The following TGFBR2 variants were observed in gnomAD, a reference collection of about 807,000 sequenced individuals.
TGFBR2 encodes the protein transforming growth factor beta receptor 2, also known as TGF-beta receptor type-2.
In TGFBR2, 18 loss-of-function variants were observed where a neutral mutation model predicts 49.0. That is an observed-to-expected ratio of 0.37 (90% CI 0.25 to 0.54). The LOEUF (loss-of-function observed/expected upper bound fraction) is 0.54. Among genes scored for constraint, TGFBR2 ranks in the 20% least tolerant of loss-of-function variants. TGFBR2 has a pLI of 0.85. For missense variants in TGFBR2, 525 were observed against 722.6 expected, an observed-to-expected ratio of 0.73 and a Z score of 3.13; for synonymous variants, 282 against 275.9, an observed-to-expected ratio of 1.02 and a Z score of -0.22.
At chr3:30,651,274 C>A (rs181726539) in intron 3 of TGFBR2, among the ~76,000 whole-genome samples, 1 of 152,264 alleles carries the variant, frequency 6.6e-6, no homozygotes, top group East Asian at 1.9e-4. Flanking sequence ...CCCCTCACTC[C>A]CAATGCAACA....
chr3:30,628,528 GTTTTTTTTTTTTT>G (rs569832149), intron 1 of TGFBR2, among the ~76,000 whole-genome samples: 1 of 80,200 alleles, frequency 1.2e-5, no homozygotes, highest in Non-Finnish European at 2.2e-5. Context: ...AAGCCTGTGG[GTTTTTTTTTTTTT>G]TTTTTTTTTT....
intron 1 of TGFBR2, chr3:30,623,221 A>G (rs963998871): frequency 4.4e-6 from 7 of 1,597,964 alleles, no homozygotes; most frequent in Non-Finnish European, 6.0e-6. Flanking sequence ...AGGCCCAGAA[A>G]GATGAAATCA....
intron 1 of TGFBR2, among the ~76,000 whole-genome samples, chr3:30,627,482 TG>T: frequency 6.6e-6 from 1 of 152,060 alleles, no homozygotes; most frequent in Admixed American, 6.5e-5. Context: ...AAAGTTCACC[TG>T]AGTGTAGAAG....
At chr3:30,631,923 C>G (rs188637386) in intron 1 of TGFBR2, among the ~76,000 whole-genome samples, 2 of 152,084 alleles carry the variant, frequency 1.3e-5, no homozygotes, top group South Asian at 4.1e-4. Flanking sequence ...GGTGAATTCT[C>G]CTCCAGTAGA....
In TGFBR2 at chr3:30,693,485, G is replaced by T. The variant is rs11466535; in HGVS notation, c.*1886G>T. 379 of 233,614 alleles carry T rather than the reference G, an allele frequency of 1.6e-3. 3 individuals carry two copies. The highest frequency in any genetic ancestry group is 6.9e-3 in the African/African-American group (312 of 45,444). The allele number at this position is 233,614 out of a possible 1,614,324, so 14.5% of individuals were successfully genotyped here. A position where few individuals can be genotyped will look rare whatever the true frequency, so the allele number is the denominator to read the frequency against. On this transcript the variant is annotated 3_prime_UTR_variant, in exon 7 of 7. Transcript: ENST00000295754. ...CAAATAGGAATATTAGAGAGGGACT[G>T]GTAGTGAGAATATCAGCTCTGTTTG...
intron 5 of TGFBR2, among the ~76,000 whole-genome samples, chr3:30,686,952 A>G (rs1486565834): frequency 3.9e-5 from 6 of 152,220 alleles, no homozygotes; most frequent in Admixed American, 3.9e-4. Flanking sequence ...GCATTTGTTG[A>G]CAGCCTGTTG....
At chr3:30,611,702 G>A (rs1698033342) in intron 1 of TGFBR2, among the ~76,000 whole-genome samples, 1 of 151,820 alleles carries the variant, frequency 6.6e-6, no homozygotes, top group Non-Finnish European at 1.5e-5. Flanking sequence ...TGGTTTATAA[G>A]GGTGAAGCAG....
intron 2 of TGFBR2, among the ~76,000 whole-genome samples, chr3:30,647,700 G>T (rs1698770883): frequency 6.6e-6 from 1 of 151,798 alleles, no homozygotes; most frequent in Admixed American, 6.6e-5. Context: ...AAATTGAGAG[G>T]GAGTCTCCCA....
intron 4 of TGFBR2, among the ~76,000 whole-genome samples, chr3:30,673,356 T>C (rs952317170): frequency 7.9e-5 from 12 of 152,222 alleles, no homozygotes; most frequent in African/African-American, 2.9e-4. Context: ...AGGACTTTAT[T>C]GTTATTTAGT....
At chr3:30,642,143 G>T (rs1211804616) in intron 1 of TGFBR2, among the ~76,000 whole-genome samples, 1 of 152,118 alleles carries the variant, frequency 6.6e-6, no homozygotes, top group African/African-American at 2.4e-5. Flanking sequence ...CTAAGGTTTT[G>T]CTAGAAAAGG....
At chr3:30,660,271 A>G (rs548803337) in intron 3 of TGFBR2, among the ~76,000 whole-genome samples, 1 of 152,242 alleles carries the variant, frequency 6.6e-6, no homozygotes, top group East Asian at 1.9e-4. Context: ...GCCCCATCCT[A>G]TTCGAAATAC....
chr3:30,673,094 A>C (rs11466515), intron 4 of TGFBR2, among the ~76,000 whole-genome samples: 39,339 of 152,132 alleles, frequency 0.26, 5,590 homozygotes, highest in Admixed American at 0.35. Context: ...CATGGAGAGC[A>C]GCACTGTCTT....
chr3:30,629,034 C>A (rs1003598528), intron 1 of TGFBR2, among the ~76,000 whole-genome samples: 2 of 152,138 alleles, frequency 1.3e-5, no homozygotes, highest in African/African-American at 4.8e-5. Flanking sequence ...CAAGCTCTGC[C>A]CTGCTTCTCC....
At position 30,672,531 on chromosome 3, in the gene TGFBR2, C is replaced by T. The variant is rs1406736855; in HGVS notation, c.1254+94C>T. ...CTCCTGGCTCTTATCTCAAACAGCC[C>T]TGTACTCTGGACACTGGTCTAGGGA... On this transcript the variant is annotated intron_variant, in intron 4 of 6. Coordinates refer to ENST00000295754, the MANE Select transcript of TGFBR2 (RefSeq NM_003242.6). This position sits in a 1 kb window ranked among gnomAD's most constrained non-coding sequence, Gnocchi z 4.5. 3 of 1,352,932 alleles carry T rather than the reference C, an allele frequency of 2.2e-6. No individual in the cohort carries two copies. The highest frequency in any genetic ancestry group is 3.2e-6 in the Non-Finnish European group (3 of 944,890). The allele number at this position is 1,352,932 out of a possible 1,614,324, so 83.8% of individuals were successfully genotyped here.
chr3:30,663,125 A>T lies in TGFBR2; in HGVS notation c.455-8513A>T, dbSNP rs918184480. On this transcript the variant is annotated intron_variant, in intron 3 of 6. Coordinates refer to ENST00000295754, the MANE Select transcript of TGFBR2 (RefSeq NM_003242.6). The stretch of plus-strand genomic sequence containing the variant: ...TTTAAAGGTACAGAAAATGATGGCA[A>T]GATCTTTGAACTCTGCAATATGAAG... Among the ~76,000 whole-genome samples the T allele has an allele frequency of 4.6e-5, 7 of 152,322 alleles. No individual in the cohort carries two copies. In the South Asian group the frequency reaches 1.4e-3, roughly 32 times the overall value.
chr3:30,613,131 CTT>C (rs5847644), intron 1 of TGFBR2, among the ~76,000 whole-genome samples: 2,485 of 129,268 alleles, frequency 0.019, 53 homozygotes, highest in African/African-American at 0.06. Flanking sequence ...ACATGCAGCT[CTT>C]TTTTTTTTTT....
In TGFBR2 at chr3:30,693,497, A is replaced by G. The variant is rs17026348; in HGVS notation, c.*1898A>G. 81 of 233,612 alleles carry G rather than the reference A, an allele frequency of 3.5e-4. No homozygotes were observed. Among genetic ancestry groups the G allele is most frequent in the African/African-American group, 1.7e-3 (78 of 45,448 alleles). The allele number at this position is 233,612 out of a possible 1,614,324, so 14.5% of individuals were successfully genotyped here. A position where few individuals can be genotyped will look rare whatever the true frequency, so the allele number is the denominator to read the frequency against. On this transcript the variant is annotated 3_prime_UTR_variant, in exon 7 of 7. Transcript: ENST00000295754. ...TTAGAGAGGGACTGGTAGTGAGAAT[A>G]TCAGCTCTGTTTGGATGGTGGAAGG...
chr3:30,640,897 T>C (rs1247195011), intron 1 of TGFBR2, among the ~76,000 whole-genome samples: 2 of 152,228 alleles, frequency 1.3e-5, no homozygotes, highest in African/African-American at 4.8e-5. Context: ...TGCACATGTA[T>C]GCACTTACTT....
intron 5 of TGFBR2, among the ~76,000 whole-genome samples, chr3:30,683,072 G>A (rs2125447227): frequency 6.6e-6 from 1 of 152,354 alleles, no homozygotes; most frequent in South Asian, 2.1e-4. Flanking sequence ...CTGGAATCCA[G>A]TGTACTATTT....
Sources: gnomAD v4.1 joint callset for allele counts (sites outside exome capture counted in the v4.1 genomes callset) on GRCh38, gnomAD v4.1.1 for gene constraint, Gnocchi (gnomAD v3.1) non-coding constraint, MANE v1.5 for transcripts, NCBI Gene and HGNC (gene_info 2026-07-23, HGNC 2026-07-21) for gene names.